Variants in SP6 observed in about 807,000 individuals in gnomAD.
SP6 encodes the protein Sp6 transcription factor.
In SP6, 10 loss-of-function variants were observed where a neutral mutation model predicts 23.4. The ratio of observed to expected loss-of-function variants is 0.43; its 90% confidence interval spans 0.26 to 0.72. The LOEUF is 0.72. Among genes scored for constraint, SP6 ranks in the 30% least tolerant of loss-of-function variants. SP6 has a pLI of 0.23. For synonymous variants in SP6, 238 were observed against 238.7 expected (o/e 1.00, Z 0.03); for missense variants, 482 against 523.8 (o/e 0.92, Z 0.78).
chr17:47,869,015 A>G, the SP6 span, among the ~76,000 whole-genome samples: 3 of 152,210 alleles, frequency 2.0e-5, no homozygotes, highest in African/African-American at 7.2e-5. Flanking sequence ...GCTGCCCAGG[A>G]GGCGGGGAGG....
rs2033877301 is a variant in SP6 at position 47,845,675 on chromosome 17, G to A, written c.*1624C>T. On this transcript the variant is annotated 3_prime_UTR_variant, in exon 2 of 2. Transcript: ENST00000536300. ...CTGGCTAGAGACCCCAGGCTCAGTA[G>A]AGAAACACACATACATGCACACAGG... 1 of 152,636 alleles carries A rather than the reference G, an allele frequency of 6.6e-6. No homozygotes were observed. Among genetic ancestry groups the A allele is most frequent in the Non-Finnish European group, 1.5e-5 (1 of 68,044 alleles). The allele number at this position is 152,636 out of a possible 1,614,324, so 9.5% of individuals were successfully genotyped here. A position where few individuals can be genotyped will look rare whatever the true frequency, so the allele number is the denominator to read the frequency against.
upstream of SP6, among the ~76,000 whole-genome samples, chr17:47,852,951 T>C (rs986387395): frequency 2.6e-5 from 4 of 152,228 alleles, no homozygotes; most frequent in Admixed American, 2.6e-4. Flanking sequence ...AATAAGTCAG[T>C]TCCAGGTAAA....
the SP6 span, among the ~76,000 whole-genome samples, chr17:47,874,758 G>A: frequency 6.6e-6 from 1 of 152,148 alleles, no homozygotes; most frequent in African/African-American, 2.4e-5. Flanking sequence ...TGGAGACAGA[G>A]ACTATCTCTT....
chr17:47,847,203 T>C lies in SP6; in HGVS notation c.*96A>G. 7.9e-7 allele frequency: 1 copy of C among 1,269,264 alleles called. No individual in the cohort carries two copies. The highest frequency in any genetic ancestry group is 2.8e-4 in the Middle Eastern group (1 of 3,612). The allele number at this position is 1,269,264 out of a possible 1,614,324, so 78.6% of individuals were successfully genotyped here. Reference sequence around the variant, plus strand: ...CCTCCTCCCTGAATAAATACGCACCTTCCCCTCTTCCTCAAGCCACCCCCA... The same window carrying C: ...CCTCCTCCCTGAATAAATACGCACCCTCCCCTCTTCCTCAAGCCACCCCCA... On this transcript the variant is annotated 3_prime_UTR_variant, in exon 2 of 2. Transcript: ENST00000536300.
chr17:47,860,445 T>A (rs548136806), upstream of SP6, among the ~76,000 whole-genome samples: 1 of 152,330 alleles, frequency 6.6e-6, no homozygotes, highest in South Asian at 2.1e-4. Context: ...TCTTTGAATC[T>A]CCCCCAGCAT....
chr17:47,857,215 G>C (rs1416205657), upstream of SP6, among the ~76,000 whole-genome samples: 9 of 152,142 alleles, frequency 5.9e-5, no homozygotes, highest in Non-Finnish European at 8.8e-5. Context: ...GCTCCAGGGA[G>C]GGGCTTCCCT....
rs957762661 is a variant in SP6 at position 47,848,639 on chromosome 17, A to C, written c.-57-153T>G. Among the ~76,000 whole-genome samples, 1 of 152,128 alleles carries C rather than the reference A, an allele frequency of 6.6e-6. No individual in the cohort carries two copies. Among genetic ancestry groups the C allele is most frequent in the Non-Finnish European group, 1.5e-5 (1 of 68,000 alleles). ...TTTAGAGAATTCGGGAGTGCGAGGA[A>C]GGGTCCAAGATGTGAGGTTCTCATC... On this transcript the variant is annotated intron_variant, in intron 1 of 1. Coordinates refer to ENST00000536300, the MANE Select transcript of SP6 (RefSeq NM_001258248.2). This position sits in a 1 kb window ranked among gnomAD's most constrained non-coding sequence, Gnocchi z 5.3.
upstream of SP6, among the ~76,000 whole-genome samples, chr17:47,851,590 C>T (rs557382500): frequency 1.6e-4 from 25 of 152,268 alleles, 1 homozygote; most frequent in East Asian, 4.8e-3. Context: ...GACAGCCCTG[C>T]CCCGGAACTG....
At chr17:47,852,005 C>T (rs184927399), upstream of SP6, among the ~76,000 whole-genome samples, 1 of 152,074 alleles carries the variant, frequency 6.6e-6, no homozygotes, top group African/African-American at 2.4e-5. Context: ...TCCTGTCCTT[C>T]GGGAAATGCT....
At chr17:47,867,129 C>T in the SP6 span, among the ~76,000 whole-genome samples, 1 of 152,178 alleles carries the variant, frequency 6.6e-6, no homozygotes, top group African/African-American at 2.4e-5. Context: ...CCGTCAGACC[C>T]CGTCTTATCG....
the SP6 span, among the ~76,000 whole-genome samples, chr17:47,866,082 C>T: frequency 6.6e-6 from 1 of 152,168 alleles, no homozygotes; most frequent in African/African-American, 2.4e-5. Context: ...CCTCCTCTCC[C>T]TCACTTCTCC....
At chr17:47,861,602 G>A in the SP6 span, among the ~76,000 whole-genome samples, 3 of 152,172 alleles carry the variant, frequency 2.0e-5, no homozygotes, top group South Asian at 2.1e-4. Flanking sequence ...GCATGGCGGT[G>A]CGCGCCTGTA....
intron 1 of SP6, among the ~76,000 whole-genome samples, chr17:47,850,423 C>A (rs976774714): frequency 1.3e-5 from 2 of 152,128 alleles, no homozygotes; most frequent in Admixed American, 6.5e-5. Flanking sequence ...TGATATGGAG[C>A]CACCCTTAGG....
In SP6 at chr17:47,847,364, C is replaced by T. The variant is rs1454437114; in HGVS notation, c.1066G>A (p.Ala356Thr). 1 of 1,607,036 alleles carries T rather than the reference C, an allele frequency of 6.2e-7. No homozygotes were observed. Among genetic ancestry groups the T allele is most frequent in the South Asian group, 1.1e-5 (1 of 90,474 alleles). ...CCTTTGCCCCCGGGGGGCTCCACTG[C>T]GCCGCCGGCCTTGCCCTCTCCCGAG... Reference protein sequence around the residue: ...AASGEGKAGGAVEPPGGKGKR... With the variant: ...AASGEGKAGGTVEPPGGKGKR... The change falls in exon 2 of 2, where the codon GCA becomes ACA. Residue 356 changes from alanine to threonine, a missense_variant. Transcript: ENST00000536300.
the SP6 span, among the ~76,000 whole-genome samples, chr17:47,870,117 C>T: frequency 2.0e-5 from 3 of 152,062 alleles, no homozygotes; most frequent in African/African-American, 4.8e-5. Flanking sequence ...ATTGATACAC[C>T]CTATTCCCTA....
chr17:47,868,798 G>C, the SP6 span, among the ~76,000 whole-genome samples: 2 of 152,180 alleles, frequency 1.3e-5, no homozygotes, highest in Non-Finnish European at 2.9e-5. Flanking sequence ...GGGTTCCTGA[G>C]GTAGGGGGCT....
At chr17:47,867,867 C>T in the SP6 span, among the ~76,000 whole-genome samples, 9 of 152,306 alleles carry the variant, frequency 5.9e-5, no homozygotes, top group East Asian at 1.7e-3. Context: ...ATCTCACCCC[C>T]ACTGGAAGCC....
chr17:47,857,172 C>G (rs1386407409), upstream of SP6, among the ~76,000 whole-genome samples: 2 of 152,106 alleles, frequency 1.3e-5, no homozygotes, highest in Non-Finnish European at 2.9e-5. Context: ...AGCACAACCC[C>G]CTGGGGGAAC....
chr17:47,852,934 A>T (rs917325393), upstream of SP6, among the ~76,000 whole-genome samples: 9 of 152,198 alleles, frequency 5.9e-5, no homozygotes, highest in African/African-American at 2.2e-4. Flanking sequence ...CCTTGTTATA[A>T]TTATTAAATA....
Sources: allele counts gnomAD v4.1 joint callset (sites outside exome capture counted in the v4.1 genomes callset), GRCh38; gene constraint gnomAD v4.1.1; non-coding constraint Gnocchi (gnomAD v3.1); transcripts MANE v1.5; gene names NCBI Gene and HGNC (gene_info 2026-07-23, HGNC 2026-07-21).